LDB3: variants seen among roughly 807,000 people sequenced by gnomAD.
LDB3 encodes LIM domain-binding protein 3.
A neutral mutation model predicts 69.0 loss-of-function variants in LDB3; 49 were observed. The observed-to-expected ratio is 0.71, with a 90% CI of 0.56 to 0.90. The LOEUF is 0.90. Among genes scored for constraint, LDB3 ranks in the 40% least tolerant of loss-of-function variants. The pLI is 0.00. For missense variants in LDB3, 928 were observed against 974.1 expected (o/e 0.95, Z 0.63); for synonymous variants, 387 against 396.2 (o/e 0.98, Z 0.28).
chr10:86,711,346 A>G (rs1005142288), intron 9 of LDB3, among the ~76,000 whole-genome samples: 3 of 151,922 alleles, frequency 2.0e-5, no homozygotes, highest in Non-Finnish European at 4.4e-5. Context: ...GGCCCAGGCG[A>G]GCGAGACGGG....
chr10:86,707,198 G>A (rs1233352970), intron 8 of LDB3, among the ~76,000 whole-genome samples: 1 of 152,102 alleles, frequency 6.6e-6, no homozygotes, highest in East Asian at 1.9e-4. Context: ...AGGGAAGGCA[G>A]GTCAGATTTC....
At chr10:86,675,939 C>A (rs1430286658) in intron 2 of LDB3, among the ~76,000 whole-genome samples, 2 of 152,198 alleles carry the variant, frequency 1.3e-5, no homozygotes, top group South Asian at 2.1e-4. Context: ...CCCCAGGAGT[C>A]CCCTCTCAGT....
chr10:86,699,999 G>A lies in LDB3; in HGVS notation c.897-6532G>A. The A allele has an allele frequency of 1.0e-6, 1 of 988,696 alleles. No individual in the cohort carries two copies. Among genetic ancestry groups the A allele is most frequent in the African/African-American group, 1.7e-5 (1 of 57,360 alleles). 61.2% of individuals were successfully genotyped at this position (988,696 alleles called of 1,614,324 possible). A position where few individuals can be genotyped will look rare whatever the true frequency, so the allele number is the denominator to read the frequency against. ...TGCTGGCTCCATAGTTCTCTCTTCT[G>A]TACATATAAGCATGCTTGTTCTGAA... On this transcript the variant is annotated intron_variant, in intron 7 of 13. Coordinates refer to ENST00000361373, the MANE Select transcript of LDB3 (RefSeq NM_007078.3). This position sits in a 1 kb window ranked among gnomAD's most constrained non-coding sequence, Gnocchi z 4.9.
chr10:86,729,096 G>A (rs1159990329), intron 13 of LDB3, among the ~76,000 whole-genome samples: 1 of 152,166 alleles, frequency 6.6e-6, no homozygotes, highest in African/African-American at 2.4e-5. Context: ...TGAGATCTCA[G>A]GATAGCACAT....
intron 7 of LDB3, 34 bp from the exon 8 acceptor site, chr10:86,706,497 T>C (rs1413165225): frequency 6.2e-7 from 1 of 1,608,590 alleles, no homozygotes; most frequent in Non-Finnish European, 8.5e-7. Flanking sequence ...CTAGGCTCCC[T>C]TGACCTGTTG....
rs753369970 is a variant in LDB3, at chr10:86,681,739, G to C, written c.625G>C (p.Glu209Gln). The C allele has an allele frequency of 6.2e-7, 1 of 1,608,628 alleles. No individual in the cohort carries two copies. The highest frequency in any genetic ancestry group is 1.1e-5 in the South Asian group (1 of 90,494). The change falls in exon 5 of 14, where the codon GAG (glutamate) becomes CAG (glutamine). Residue 209 changes from glutamate (E) to glutamine (Q), a missense_variant. Glu to Gln is a conservative substitution (Grantham distance 29, BLOSUM62 2). Transcript: ENST00000361373. ...CCTGTACTCGGCAGAGACCCTGAGG[G>C]AGATGGCTCAGATGTACCAGATGAG... ...IGLYSAETLR[E>Q]MAQMYQMSLR...
Position 86,699,139 on chromosome 10 carries a change from C to A in LDB3, c.896+6568C>A. 9.7e-7 allele frequency: 1 copy of A among 1,036,226 alleles called. No individual in the cohort carries two copies. The highest frequency in any genetic ancestry group is 1.5e-6 in the Non-Finnish European group (1 of 672,852). 64.2% of individuals were successfully genotyped at this position (1,036,226 alleles called of 1,614,324 possible). On this transcript the variant is annotated intron_variant, in intron 7 of 13. Transcript: ENST00000361373. The surrounding 1 kb of genome is among the most constrained non-coding windows in gnomAD (Gnocchi z 4.9). ...TTCTCCAAGCCCGTTCCCTCCCTCC[C>A]ATGCCCTCTGCCCCACCTGTTAGAC...
At chr10:86,674,862 C>T (rs899529223) in intron 2 of LDB3, among the ~76,000 whole-genome samples, 5 of 152,100 alleles carry the variant, frequency 3.3e-5, no homozygotes, top group Admixed American at 2.0e-4. Flanking sequence ...TCTGAGGGTG[C>T]CCCCCTCCAA....
chr10:86,674,064 C>T (rs1844636034), intron 2 of LDB3, among the ~76,000 whole-genome samples: 1 of 152,160 alleles, frequency 6.6e-6, no homozygotes. Flanking sequence ...TCAGGGCTGG[C>T]TCCTCAAGCT....
At position 86,682,584 on chromosome 10, in the gene LDB3, C is replaced by T. The variant is rs548287212; in HGVS notation, c.689+781C>T. Reference sequence around the variant, plus strand: ...AGCCCTTCACGCTTGTTCTCTCACCCTAACTTCTACTCCCGCCCTGTGCAA... The same window carrying T: ...AGCCCTTCACGCTTGTTCTCTCACCTTAACTTCTACTCCCGCCCTGTGCAA... On this transcript the variant is annotated intron_variant, in intron 5 of 13. Transcript: ENST00000361373. 8.6e-4 allele frequency among the ~76,000 whole-genome samples: 131 copies of T among 152,292 alleles called. No individual in the cohort carries two copies. The South Asian group carries it at 0.012, about 14-fold the overall frequency.
intron 9 of LDB3, among the ~76,000 whole-genome samples, chr10:86,712,139 ACG>A (rs1427144529): frequency 1.1e-4 from 17 of 151,264 alleles, no homozygotes; most frequent in Non-Finnish European, 1.9e-4. Flanking sequence ...CGGGGTTGCG[ACG>A]GGGGAACGGA....
rs941119407 is a variant in LDB3, at chr10:86,672,771, C to T, written c.93+3987C>T. Among the ~76,000 whole-genome samples, 4 of 152,354 alleles carry T rather than the reference C, an allele frequency of 2.6e-5. No homozygotes were observed. The South Asian group carries it at 6.2e-4, about 24-fold the overall frequency. On this transcript the variant is annotated intron_variant, in intron 2 of 13. Coordinates refer to ENST00000361373, the MANE Select transcript of LDB3 (RefSeq NM_007078.3). ...CTGTGAGGGATCCAAAAGGAGAGGACATGAGGCTGGCTGGGTCCTGGGGAA... is the reference window on the plus strand; with the variant it reads ...CTGTGAGGGATCCAAAAGGAGAGGATATGAGGCTGGCTGGGTCCTGGGGAA...
chr10:86,679,345 C>T (rs1456530855), intron 2 of LDB3, 22 bp from the exon 3 acceptor site: 3 of 1,614,082 alleles, frequency 1.9e-6, no homozygotes, highest in Non-Finnish European at 2.5e-6. Context: ...ATGCTCACCC[C>T]CCACCTCCAC....
chr10:86,712,040 GTC>G (rs936633337), intron 9 of LDB3, among the ~76,000 whole-genome samples: 2 of 152,144 alleles, frequency 1.3e-5, no homozygotes. Flanking sequence ...GGGATATCAG[GTC>G]TCTCCTGGCG....
intron 13 of LDB3, among the ~76,000 whole-genome samples, chr10:86,728,968 A>G (rs1249884881): frequency 1.3e-5 from 2 of 149,998 alleles, no homozygotes; most frequent in Admixed American, 6.6e-5. Context: ...TCCTCTTTCT[A>G]TCACTTCATA....
intron 7 of LDB3, among the ~76,000 whole-genome samples, chr10:86,706,135 G>A (rs1846431198): frequency 6.6e-6 from 1 of 152,080 alleles, no homozygotes; most frequent in South Asian, 2.1e-4. Flanking sequence ...GGTAGCACAT[G>A]CCCCCTGACT....
chr10:86,680,803 A>G (rs1845072243), intron 4 of LDB3, among the ~76,000 whole-genome samples: 2 of 152,134 alleles, frequency 1.3e-5, no homozygotes, highest in African/African-American at 2.4e-5. Flanking sequence ...TTCTCCCCCT[A>G]TGTGAACTGA....
intron 12 of LDB3, among the ~76,000 whole-genome samples, chr10:86,724,646 T>C (rs1039837267): frequency 6.6e-6 from 1 of 151,346 alleles, no homozygotes; most frequent in African/African-American, 2.4e-5. Flanking sequence ...ATAAATAAAA[T>C]AAATAGATAA....
At chr10:86,717,316 A>C (rs1467636776) in intron 10 of LDB3, among the ~76,000 whole-genome samples, 1 of 152,218 alleles carries the variant, frequency 6.6e-6, no homozygotes, top group Non-Finnish European at 1.5e-5. Flanking sequence ...TACGTGAAAA[A>C]TACACTTTTA....
Sources: gnomAD v4.1 joint callset for allele counts (sites outside exome capture counted in the v4.1 genomes callset) on GRCh38, gnomAD v4.1.1 for gene constraint, Gnocchi (gnomAD v3.1) non-coding constraint, MANE v1.5 for transcripts, NCBI Gene and HGNC (gene_info 2026-07-23, HGNC 2026-07-21) for gene names.